The following MACROD1 variants were observed in gnomAD, a reference collection of about 807,000 sequenced individuals.
MACROD1 encodes ADP-ribose glycohydrolase MACROD1.
Under a neutral mutation model 41.4 loss-of-function variants are expected in MACROD1, and 31 were observed. The ratio of observed to expected loss-of-function variants is 0.75; its 90% CI spans 0.56 to 1.01. The LOEUF (loss-of-function observed/expected upper bound fraction) is 1.01. Among genes scored for constraint, MACROD1 ranks in the 50% least tolerant of loss-of-function variants. The pLI, the probability that MACROD1 is intolerant of heterozygous loss-of-function variation, is 0.00. For synonymous variants in MACROD1, 252 were observed against 203.4 expected (o/e 1.24, Z -2.03); for missense variants, 473 against 460.0 (o/e 1.03, Z -0.26).
chr11:64,143,662 A>G (rs2134685151), intron 3 of MACROD1, among the ~76,000 whole-genome samples: 1 of 151,938 alleles, frequency 6.6e-6, no homozygotes, highest in South Asian at 2.1e-4. Context: ...GAGGACAGAC[A>G]GGACACACCC....
At chr11:64,050,085 C>T (rs917586711) in intron 3 of MACROD1, among the ~76,000 whole-genome samples, 6 of 152,144 alleles carry the variant, frequency 3.9e-5, no homozygotes, top group African/African-American at 1.2e-4. Context: ...GAGATCTCTC[C>T]GGAGGCTGGG....
chr11:64,084,308 G>A (rs567740002), intron 3 of MACROD1, among the ~76,000 whole-genome samples: 194 of 152,288 alleles, frequency 1.3e-3, no homozygotes, highest in African/African-American at 4.4e-3. Context: ...GAACACATGT[G>A]TGAGAGTGGG....
At chr11:64,022,368 C>G (rs892047183) in intron 3 of MACROD1, among the ~76,000 whole-genome samples, 2 of 152,092 alleles carry the variant, frequency 1.3e-5, no homozygotes, top group Non-Finnish European at 2.9e-5. Context: ...TCACCCTCCC[C>G]GAGCTCAGAT....
At chr11:64,054,492 C>T (rs143280984) in intron 3 of MACROD1, among the ~76,000 whole-genome samples, 33 of 152,242 alleles carry the variant, frequency 2.2e-4, no homozygotes, top group African/African-American at 6.0e-4. Context: ...GCAGTACCCT[C>T]GGCAGCCCTC....
chr11:64,083,806 C>G (rs1383685491), intron 3 of MACROD1, among the ~76,000 whole-genome samples: 1 of 152,154 alleles, frequency 6.6e-6, no homozygotes, highest in Non-Finnish European at 1.5e-5. Context: ...GGTGAGTCAG[C>G]AGGGGTTGGC....
chr11:64,116,199 C>T, intron 3 of MACROD1: 1 of 1,535,032 alleles, frequency 6.5e-7, no homozygotes, highest in Non-Finnish European at 8.7e-7. Context: ...CTCACTGCCC[C>T]TGTCCTGTGC....
chr11:64,137,462 T>C lies in MACROD1; in HGVS notation c.517+13777A>G, dbSNP rs977085544. On this transcript the variant is annotated intron_variant, in intron 3 of 10. Transcript: ENST00000255681. ...AGAAGGCATTCAGCTGAAACTTAAA[T>C]TGACTTCCAAGCTTGGAGTTATGGA... is the stretch of plus-strand genomic sequence containing the variant. Among the ~76,000 whole-genome samples the C allele has an allele frequency of 2.0e-5, 3 of 152,284 alleles. No individual in the cohort carries two copies. In the East Asian group the frequency reaches 5.8e-4, roughly 29 times the overall value.
In MACROD1 at chr11:64,165,892, T is replaced by C. The variant is rs1214597918; in HGVS notation, c.103A>G (p.Thr35Ala). The C allele has an allele frequency of 7.2e-7, 1 of 1,389,066 alleles. No homozygotes were observed. Among genetic ancestry groups the C allele is most frequent in the Non-Finnish European group, 9.3e-7 (1 of 1,076,456 alleles). 86.0% of individuals were successfully genotyped at this position (1,389,066 alleles called of 1,614,324 possible). The stretch of plus-strand genomic sequence containing the variant: ...CCGCACGTGCTGCTGCGGGTCCTCG[T>C]GGCACCCGCCAAGTGTCCGGGCCGG... ...RPRPGHLAGA[T>A]RTRSSTCGPP... Residue 35 changes from threonine (T) to alanine (A), a missense_variant, in exon 1 of 11, where the codon ACG becomes GCG. Thr to Ala is a moderately conservative substitution (Grantham distance 58, BLOSUM62 0). Transcript: ENST00000255681.
At chr11:64,109,000 T>C (rs544934801) in intron 3 of MACROD1, among the ~76,000 whole-genome samples, 3 of 152,210 alleles carry the variant, frequency 2.0e-5, no homozygotes, top group South Asian at 4.2e-4. Context: ...GTGACCAGCA[T>C]CCATGCACGT....
At chr11:64,088,495 C>T (rs1321357105) in intron 3 of MACROD1, among the ~76,000 whole-genome samples, 1 of 152,194 alleles carries the variant, frequency 6.6e-6, no homozygotes, top group Non-Finnish European at 1.5e-5. Context: ...TGCCTAGCCT[C>T]CCCTTCCTCA....
At chr11:64,138,044 T>A (rs944806365) in intron 3 of MACROD1, among the ~76,000 whole-genome samples, 1 of 152,208 alleles carries the variant, frequency 6.6e-6, no homozygotes, top group African/African-American at 2.4e-5. Context: ...GCATGCACCA[T>A]CCTCTGCCTT....
chr11:64,068,315 C>A (rs1944043116), intron 3 of MACROD1, among the ~76,000 whole-genome samples: 1 of 152,234 alleles, frequency 6.6e-6, no homozygotes, highest in Non-Finnish European at 1.5e-5. Context: ...GCCTGTCCCA[C>A]TCTTCCGCCT....
intron 4 of MACROD1, chr11:64,001,627 C>T (rs758207767): frequency 2.6e-5 from 18 of 701,108 alleles, no homozygotes; most frequent in South Asian, 4.4e-5. Context: ...TTTCCCAGAG[C>T]GTCCCAGGGA....
intron 3 of MACROD1, among the ~76,000 whole-genome samples, chr11:64,133,267 C>G (rs1011510445): frequency 6.6e-6 from 1 of 152,228 alleles, no homozygotes; most frequent in Non-Finnish European, 1.5e-5. Flanking sequence ...TTGCGTCCAC[C>G]TCAGCTTGGG....
At chr11:64,077,581 G>A (rs1225797513) in intron 3 of MACROD1, among the ~76,000 whole-genome samples, 1 of 152,162 alleles carries the variant, frequency 6.6e-6, no homozygotes, top group Non-Finnish European at 1.5e-5. Flanking sequence ...GTGCACATGT[G>A]CACACATTCC....
chr11:64,039,587 G>A (rs1174909882), intron 3 of MACROD1, among the ~76,000 whole-genome samples: 1 of 152,200 alleles, frequency 6.6e-6, no homozygotes, highest in Non-Finnish European at 1.5e-5. Flanking sequence ...ACGGGAAAAG[G>A]ACAGCACCCC....
intron 3 of MACROD1, among the ~76,000 whole-genome samples, chr11:64,113,598 G>C (rs1944902607): frequency 1.6e-5 from 2 of 126,688 alleles, no homozygotes; most frequent in Admixed American, 1.7e-4. Flanking sequence ...TGGATGGATG[G>C]TTAGGTGGAT....
chr11:64,148,460 C>T (rs957665440), intron 3 of MACROD1, among the ~76,000 whole-genome samples: 11 of 152,180 alleles, frequency 7.2e-5, no homozygotes, highest in African/African-American at 2.2e-4. Flanking sequence ...TGACCCACGG[C>T]GTTCTCCATG....
intron 3 of MACROD1, chr11:64,116,991 G>A (rs779806631): frequency 6.8e-6 from 11 of 1,612,410 alleles, no homozygotes; most frequent in Admixed American, 1.7e-5. Flanking sequence ...CATCGCCGAC[G>A]ACACCTTCAG....
Sources: gnomAD v4.1 joint callset for allele counts (sites outside exome capture counted in the v4.1 genomes callset) on GRCh38, gnomAD v4.1.1 for gene constraint, MANE v1.5 for transcripts, NCBI Gene and HGNC (gene_info 2026-07-23, HGNC 2026-07-21) for gene names.